FRMD3: variants seen among roughly 807,000 people sequenced by gnomAD.
FRMD3 encodes the protein FERM domain containing 3.
In FRMD3, 33 loss-of-function variants were observed where a neutral mutation model predicts 70.2. That is an observed-to-expected ratio of 0.47 (90% CI 0.36 to 0.63). The LOEUF is 0.63. Ranked by LOEUF, FRMD3 falls within the 20% of genes least tolerant of loss-of-function variation. The pLI is 0.00. For synonymous variants in FRMD3, 279 were observed against 255.9 expected (o/e 1.09, Z -0.86); for missense variants, 632 against 711.4 (o/e 0.89, Z 1.27).
chr9:83,583,908 C>T, the FRMD3 span, among the ~76,000 whole-genome samples: 3 of 152,228 alleles, frequency 2.0e-5, no homozygotes, highest in Non-Finnish European at 2.9e-5. Flanking sequence ...AGTGGAAACT[C>T]TTTCTTGTCT....
intron 1 of FRMD3, among the ~76,000 whole-genome samples, chr9:83,495,424 G>T (rs1054623556): frequency 6.6e-6 from 1 of 152,222 alleles, no homozygotes; most frequent in African/African-American, 2.4e-5. Context: ...TAGGAGAAGT[G>T]AAATCGTCTG....
intron 2 of FRMD3, among the ~76,000 whole-genome samples, chr9:83,381,853 C>CA: frequency 6.6e-6 from 1 of 152,236 alleles, no homozygotes; most frequent in Admixed American, 6.5e-5. Flanking sequence ...ATCTCTTTCA[C>CA]AACTACTCAA....
upstream of FRMD3, among the ~76,000 whole-genome samples, chr9:83,542,734 T>C (rs1830012666): frequency 6.6e-6 from 1 of 152,194 alleles, no homozygotes; most frequent in Non-Finnish European, 1.5e-5. Context: ...GGCAGTATGG[T>C]ACTGGCAAAA....
At chr9:83,412,254 A>G (rs1826300984) in intron 1 of FRMD3, among the ~76,000 whole-genome samples, 1 of 152,240 alleles carries the variant, frequency 6.6e-6, no homozygotes, top group Non-Finnish European at 1.5e-5. Context: ...GTGTAGCATT[A>G]CCATTGTATA....
Position 83,253,252 on chromosome 9 carries a change from C to G in FRMD3, c.1196-4736G>C, listed in dbSNP as rs576501759. ...ACACAACTACATGGAAATTGAACAA[C>G]CTGTTACTGAATGACTCTTGGGTAA... On this transcript the variant is annotated intron_variant, in intron 13 of 13. Coordinates refer to ENST00000304195, the MANE Select transcript of FRMD3 (RefSeq NM_174938.6). Among the ~76,000 whole-genome samples, 5 of 152,192 alleles carry G rather than the reference C, an allele frequency of 3.3e-5. No individual in the cohort carries two copies. The South Asian group carries it at 1.0e-3, about 32-fold the overall frequency.
intron 1 of FRMD3, among the ~76,000 whole-genome samples, chr9:83,438,407 GT>G (rs5898830): frequency 0.15 from 13,963 of 92,996 alleles, 673 homozygotes; most frequent in East Asian, 0.2. Context: ...TCAGAAGAGA[GT>G]TTTTTTTTTG....
chr9:83,283,547 AATAATAATAATAAT>A (rs1290392924), intron 13 of FRMD3, among the ~76,000 whole-genome samples: 20 of 10,770 alleles, frequency 1.9e-3, no homozygotes, highest in African/African-American at 2.4e-3. Context: ...AAAAAAAAAA[AATAATAATAATAAT>A]AATAATAATA....
At chr9:83,467,806 A>G in intron 1 of FRMD3, 1 of 1,370,078 alleles carries the variant, frequency 7.3e-7, no homozygotes. Flanking sequence ...TGCTGCCACC[A>G]AGATCCTATT....
intron 1 of FRMD3, among the ~76,000 whole-genome samples, chr9:83,491,120 T>C (rs1362734961): frequency 2.0e-5 from 3 of 152,118 alleles, no homozygotes; most frequent in Non-Finnish European, 4.4e-5. Context: ...CATAAAAATC[T>C]CTTTTTCTGT....
intron 1 of FRMD3, among the ~76,000 whole-genome samples, chr9:83,459,744 T>C (rs1394318463): frequency 6.6e-6 from 1 of 152,234 alleles, no homozygotes; most frequent in Non-Finnish European, 1.5e-5. Context: ...GCATCCGTCT[T>C]AGTCGGCTCA....
At chr9:83,526,329 A>G (rs1327683956) in intron 1 of FRMD3, among the ~76,000 whole-genome samples, 1 of 152,168 alleles carries the variant, frequency 6.6e-6, no homozygotes, top group East Asian at 1.9e-4. Context: ...TGTGACCAGG[A>G]CTGTCTCTCC....
the FRMD3 span, among the ~76,000 whole-genome samples, chr9:83,553,609 G>A: frequency 2.0e-5 from 3 of 152,132 alleles, no homozygotes; most frequent in African/African-American, 7.2e-5. Context: ...CAGAGAACCA[G>A]TCTTCAAGTT....
At chr9:83,299,264 G>T (rs779159202) in intron 10 of FRMD3, 78 bp from the exon 11 acceptor site, 56 of 848,042 alleles carry the variant, frequency 6.6e-5, no homozygotes, top group Non-Finnish European at 9.6e-5. Flanking sequence ...TGTGGTGATG[G>T]GGTATTTTTA....
chr9:83,484,973 G>A (rs1003202076), intron 1 of FRMD3, among the ~76,000 whole-genome samples: 1 of 152,194 alleles, frequency 6.6e-6, no homozygotes, highest in East Asian at 1.9e-4. Flanking sequence ...ATAAAAACAT[G>A]TCAATGCCTT....
chr9:83,409,999 C>T (rs1467460606), intron 1 of FRMD3, among the ~76,000 whole-genome samples: 1 of 152,208 alleles, frequency 6.6e-6, no homozygotes, highest in East Asian at 1.9e-4. Context: ...TACCAGCAGC[C>T]TTTCCTCCAG....
chr9:83,529,729 T>C (rs1252847632), intron 1 of FRMD3, among the ~76,000 whole-genome samples: 3 of 152,170 alleles, frequency 2.0e-5, no homozygotes, highest in Non-Finnish European at 4.4e-5. Context: ...GGAAAAAATA[T>C]TTGCAAATCA....
At chr9:83,332,843 C>T (rs1382368384) in intron 6 of FRMD3, among the ~76,000 whole-genome samples, 2 of 152,162 alleles carry the variant, frequency 1.3e-5, no homozygotes, top group Admixed American at 6.6e-5. Flanking sequence ...GGGAGGGTCA[C>T]GGGTGTTGTG....
upstream of FRMD3, among the ~76,000 whole-genome samples, chr9:83,538,812 T>G (rs1466739008): frequency 6.6e-6 from 1 of 151,716 alleles, no homozygotes; most frequent in African/African-American, 2.4e-5. The surrounding 1 kb of genome is among the most constrained non-coding windows in gnomAD (Gnocchi z 4.7). Flanking sequence ...CTGGCGCGGG[T>G]AGGGGACGGA....
intron 1 of FRMD3, among the ~76,000 whole-genome samples, chr9:83,482,528 A>C (rs1828591813): frequency 6.6e-6 from 1 of 152,192 alleles, no homozygotes; most frequent in Non-Finnish European, 1.5e-5. Context: ...TAGGGGATGG[A>C]GACAGGTGTA....
Sources: allele counts gnomAD v4.1 joint callset (sites outside exome capture counted in the v4.1 genomes callset), GRCh38; gene constraint gnomAD v4.1.1; non-coding constraint Gnocchi (gnomAD v3.1); transcripts MANE v1.5; gene names NCBI Gene and HGNC (gene_info 2026-07-23, HGNC 2026-07-21).